The following KAZN variants were observed in gnomAD, a reference collection of about 807,000 sequenced individuals.
KAZN encodes kazrin.
In KAZN, 40 loss-of-function variants were observed where a neutral mutation model predicts 87.4. The observed-to-expected ratio is 0.46, with a 90% confidence interval of 0.36 to 0.60. KAZN has a LOEUF of 0.60. Among genes scored for constraint, KAZN ranks in the 20% least tolerant of loss-of-function variants. The pLI, the probability that KAZN is intolerant of heterozygous loss-of-function variation, is 0.00. For missense variants in KAZN, 898 were observed against 1,073.9 expected (o/e 0.84, Z 2.29); for synonymous variants, 466 against 458.3 (o/e 1.02, Z -0.22).
In KAZN at chr1:14,977,171, C is replaced by G. The variant is rs1370529987; in HGVS notation, c.418+16296C>G. Reference sequence around the variant, plus strand: ...CCCCTGGGAGGGGCTGTGCTTTCCCCCTTTGGGCTGGAGGCCCTGAGGGTC... The same window carrying G: ...CCCCTGGGAGGGGCTGTGCTTTCCCGCTTTGGGCTGGAGGCCCTGAGGGTC... On this transcript the variant is annotated intron_variant, in intron 2 of 14. Transcript: ENST00000376030. Among the ~76,000 whole-genome samples the G allele has an allele frequency of 5.9e-5, 9 of 152,350 alleles. No individual in the cohort carries two copies. In the South Asian group the frequency reaches 8.3e-4, roughly 14 times the overall value.
intron 2 of KAZN, among the ~76,000 whole-genome samples, chr1:15,000,752 G>A (rs112142638): frequency 6.6e-6 from 1 of 151,916 alleles, no homozygotes; most frequent in East Asian, 1.9e-4. Context: ...AGGGAAAGAG[G>A]GGGTGTGCCT....
At chr1:13,966,885 A>G (rs1224391393) in intron 1 of KAZN, among the ~76,000 whole-genome samples, 1 of 152,146 alleles carries the variant, frequency 6.6e-6, no homozygotes, top group Non-Finnish European at 1.5e-5. Context: ...TTTTAAATGC[A>G]CTATCAGAAA....
rs117494497 is a variant in KAZN, at chr1:14,260,468, G to A, written c.249+79876G>A. Reference sequence around the variant, plus strand: ...CTGGGACAGAGCATTTCGATGACCCGCATGGCTGGAGCAGGGTGAGCCCAT... The same window carrying A: ...CTGGGACAGAGCATTTCGATGACCCACATGGCTGGAGCAGGGTGAGCCCAT... On this transcript the variant is annotated intron_variant, in intron 2 of 16. Transcript: ENST00000636203. Among the ~76,000 whole-genome samples, 39 of 152,254 alleles carry A rather than the reference G, an allele frequency of 2.6e-4. No homozygotes were observed. The East Asian group carries it at 4.2e-3, about 17-fold the overall frequency.
chr1:15,034,184 C>T (rs985032865), intron 2 of KAZN, among the ~76,000 whole-genome samples: 6 of 152,194 alleles, frequency 3.9e-5, no homozygotes, highest in Non-Finnish European at 8.8e-5. Flanking sequence ...TTGATGATAT[C>T]CTTTGAAACA....
At chr1:14,950,841 T>C (rs576008907) in intron 1 of KAZN, among the ~76,000 whole-genome samples, 2 of 152,234 alleles carry the variant, frequency 1.3e-5, no homozygotes, top group South Asian at 4.2e-4. Flanking sequence ...GTTTCAGGGT[T>C]GTCTGCCCAG....
chr1:13,920,857 T>C (rs1396679257), intron 1 of KAZN, among the ~76,000 whole-genome samples: 1 of 152,192 alleles, frequency 6.6e-6, no homozygotes, highest in African/African-American at 2.4e-5. Flanking sequence ...CTGATGTTTT[T>C]GGGCTGGATT....
intron 13 of KAZN, 73 bp downstream of exon 13, chr1:15,104,262 T>C: frequency 1.4e-6 from 2 of 1,405,840 alleles, no homozygotes; most frequent in East Asian, 2.5e-5. Context: ...AAGCAGATGG[T>C]CCAGCTCCCC....
intron 2 of KAZN, among the ~76,000 whole-genome samples, chr1:14,578,773 C>T (rs1675349323): frequency 6.6e-6 from 1 of 151,964 alleles, no homozygotes; most frequent in Non-Finnish European, 1.5e-5. Context: ...TATTAATATG[C>T]CTTATAATTT....
chr1:14,587,598 G>A (rs999909916), intron 2 of KAZN, among the ~76,000 whole-genome samples: 16 of 152,058 alleles, frequency 1.1e-4, no homozygotes, highest in African/African-American at 3.6e-4. Flanking sequence ...GCAGGAGTGA[G>A]AGTGGGGGGC....
intron 1 of KAZN, among the ~76,000 whole-genome samples, chr1:14,085,221 T>C (rs1017012684): frequency 1.3e-5 from 2 of 152,206 alleles, no homozygotes; most frequent in African/African-American, 4.8e-5. Context: ...TAGGTAACTC[T>C]TAGCTAATTG....
intron 1 of KAZN, among the ~76,000 whole-genome samples, chr1:13,984,043 G>T (rs116043799): frequency 6.6e-6 from 1 of 151,540 alleles, no homozygotes; most frequent in Non-Finnish European, 1.5e-5. Context: ...ATGGAGTCTC[G>T]CTGTGTCCCC....
chr1:14,010,163 G>A (rs1038489450), intron 1 of KAZN, among the ~76,000 whole-genome samples: 1 of 152,008 alleles, frequency 6.6e-6, no homozygotes, highest in Non-Finnish European at 1.5e-5. Flanking sequence ...GGTCTGAGAT[G>A]TTAGTTATCT....
Position 13,918,803 on chromosome 1 carries a change from C to A in KAZN, c.91+25047C>A, listed in dbSNP as rs1343453996. On this transcript the variant is annotated intron_variant, in intron 1 of 16. Transcript: ENST00000636203. ...CCACCAGTAAAAAGATTACAACTTG[C>A]TAAAGGCTCAGAAGAGTATTAGCAT... Among the ~76,000 whole-genome samples the A allele has an allele frequency of 2.6e-5, 4 of 152,298 alleles. No homozygotes were observed. The East Asian group carries it at 7.7e-4, about 29-fold the overall frequency.
At chr1:14,103,943 T>C (rs1644313888) in intron 1 of KAZN, among the ~76,000 whole-genome samples, 1 of 152,180 alleles carries the variant, frequency 6.6e-6, no homozygotes, top group African/African-American at 2.4e-5. Context: ...TCTCCAAATG[T>C]AGGCAACATC....
At chr1:14,456,040 A>C (rs1667548577) in intron 2 of KAZN, among the ~76,000 whole-genome samples, 1 of 152,242 alleles carries the variant, frequency 6.6e-6, no homozygotes, top group East Asian at 1.9e-4. Context: ...GATAGATTTA[A>C]AAATGAATAT....
At chr1:14,170,510 A>G (rs1411072487) in intron 1 of KAZN, among the ~76,000 whole-genome samples, 1 of 152,214 alleles carries the variant, frequency 6.6e-6, no homozygotes, top group Non-Finnish European at 1.5e-5. Flanking sequence ...TCCAGTATCA[A>G]CTTAAAAAAA....
intron 1 of KAZN, among the ~76,000 whole-genome samples, chr1:14,864,678 G>T (rs965554052): frequency 6.6e-6 from 1 of 152,124 alleles, no homozygotes. Flanking sequence ...GGTGAACGTG[G>T]TTTTTTTGCA....
intron 2 of KAZN, among the ~76,000 whole-genome samples, chr1:14,407,437 T>C (rs771170581): frequency 2.0e-5 from 3 of 152,100 alleles, no homozygotes; most frequent in Non-Finnish European, 4.4e-5. Context: ...CTTGTGGTGG[T>C]AAATGGGGGG....
At chr1:14,391,930 C>T (rs897337550) in intron 2 of KAZN, among the ~76,000 whole-genome samples, 5 of 152,144 alleles carry the variant, frequency 3.3e-5, no homozygotes, top group Non-Finnish European at 5.9e-5. Flanking sequence ...ATGGGATGAC[C>T]GTACTTGCAC....
Sources: gnomAD v4.1 joint callset for allele counts (sites outside exome capture counted in the v4.1 genomes callset) on GRCh38, gnomAD v4.1.1 for gene constraint, MANE v1.5 for transcripts, NCBI Gene and HGNC (gene_info 2026-07-23, HGNC 2026-07-21) for gene names.